Variants in USP42 observed in about 807,000 individuals in gnomAD.
USP42 encodes the protein ubiquitin carboxyl-terminal hydrolase 42.
In USP42, 23 loss-of-function variants were observed where a neutral mutation model predicts 113.0. That is an observed-to-expected ratio of 0.20 (90% CI 0.15 to 0.29). The LOEUF is 0.29. Ranked by LOEUF, USP42 falls within the 10% of genes least tolerant of loss-of-function variation. The pLI is 1.00. For synonymous variants in USP42, 933 were observed against 699.0 expected (o/e 1.33, Z -5.28); for missense variants, 2,174 against 1,779.8 (o/e 1.22, Z -3.99).
At chr7:6,132,920 C>G (rs550265218) in intron 3 of USP42, among the ~76,000 whole-genome samples, 1 of 152,332 alleles carries the variant, frequency 6.6e-6, no homozygotes, top group South Asian at 2.1e-4. Context: ...ATCTGCCCAT[C>G]TTGGTCTCCC....
In USP42 at chr7:6,154,615, C is replaced by T; in HGVS notation, c.3061C>T (p.His1021Tyr). 1 of 1,594,306 alleles carries T rather than the reference C, an allele frequency of 6.3e-7. No homozygotes were observed. The highest frequency in any genetic ancestry group is 8.5e-7 in the Non-Finnish European group (1 of 1,172,294). ...CTCTCTGGGCAGGTGCAGTCACCAC[C>T]ACTCCCGACACCGGAGCGGGGTGGA... ...RRSLGRCSHH[H>Y]SRHRSGVELD... The change falls in exon 15 of 18, where the codon CAC becomes TAC. Residue 1021 changes from histidine to tyrosine, a missense_variant. His to Tyr is a moderately conservative substitution (Grantham distance 83). Transcript: ENST00000306177.
rs1038347313 is a variant in USP42 at position 6,158,805 on chromosome 7, G to T, written c.3944-645G>T. Among the ~76,000 whole-genome samples, 9 of 152,170 alleles carry T rather than the reference G, an allele frequency of 5.9e-5. No individual in the cohort carries two copies. The highest frequency in any genetic ancestry group is 1.7e-4 in the African/African-American group (7 of 41,436). Reference sequence around the variant, plus strand: ...AGTGGATGGGCTCATTCTGAGTGTGGTGCAGGCTCCCAGGATCATGGGCTT... The same window carrying T: ...AGTGGATGGGCTCATTCTGAGTGTGTTGCAGGCTCCCAGGATCATGGGCTT... On this transcript the variant is annotated intron_variant, in intron 16 of 17. Transcript: ENST00000306177. This position sits in a 1 kb window ranked among gnomAD's most constrained non-coding sequence, Gnocchi z 4.2.
At chr7:6,123,382 G>T (rs1780343260) in intron 3 of USP42, among the ~76,000 whole-genome samples, 1 of 151,832 alleles carries the variant, frequency 6.6e-6, no homozygotes, top group African/African-American at 2.4e-5. Context: ...TAAAAAATTG[G>T]GCTGGGTGCG....
Position 6,156,913 on chromosome 7 carries a change from CGCCCAG to C in USP42, c.3802_3807del (p.Ala1268_Gln1269del). ...CCAGGGTCACCAGCTTGGAGACTGT[CGCCCAG>C]TTCCGGAGAGCCCAGGGTGGCTTTC... On this transcript the variant is annotated inframe_deletion, in exon 16 of 18. Transcript: ENST00000306177. 6.2e-7 allele frequency: 1 copy of C among 1,613,894 alleles called. No individual in the cohort carries two copies. The highest frequency in any genetic ancestry group is 8.5e-7 in the Non-Finnish European group (1 of 1,179,848).
At chr7:6,121,372 C>A (rs1344538492) in intron 3 of USP42, among the ~76,000 whole-genome samples, 2 of 151,802 alleles carry the variant, frequency 1.3e-5, no homozygotes, top group Non-Finnish European at 2.9e-5. Context: ...GGTCATGATG[C>A]ATTATTCTAT....
chr7:6,087,034 C>CTT, the USP42 span, among the ~76,000 whole-genome samples: 2 of 133,492 alleles, frequency 1.5e-5, no homozygotes, highest in Admixed American at 7.4e-5. Flanking sequence ...AGCCACCACA[C>CTT]TTTTTTTTTT....
At position 6,144,176 on chromosome 7, in the gene USP42, A is replaced by C; in HGVS notation, c.970A>C (p.Thr324Pro). Residue 324 changes from threonine to proline, a missense_variant, in exon 9 of 18, where the codon ACC becomes CCC. Thr to Pro is a conservative substitution (Grantham distance 38). Coordinates refer to ENST00000306177, the MANE Select transcript of USP42 (RefSeq NM_032172.3). ...TLSLKRFANF[T>P]GGKIAKDVKY... ...TTCTCTGAAACGTTTTGCAAATTTTACCGGTGGAAAAATTGCTAAGGTATG... is the reference window on the plus strand; with the variant it reads ...TTCTCTGAAACGTTTTGCAAATTTTCCCGGTGGAAAAATTGCTAAGGTATG... The C allele has an allele frequency of 6.3e-7, 1 of 1,593,750 alleles. No individual in the cohort carries two copies. The highest frequency in any genetic ancestry group is 8.5e-7 in the Non-Finnish European group (1 of 1,173,172).
rs552313779 is a variant in USP42, at chr7:6,120,047, C to A, written c.442+4524C>A. On this transcript the variant is annotated intron_variant, in intron 3 of 17. Transcript: ENST00000306177. Reference sequence around the variant, plus strand: ...GTGGCGCTGTCTCGGCTCACTGCAACCTACGCCCCCGGGTTCACGCCATTC... The same window carrying A: ...GTGGCGCTGTCTCGGCTCACTGCAAACTACGCCCCCGGGTTCACGCCATTC... 2.1e-3 allele frequency among the ~76,000 whole-genome samples: 315 copies of A among 152,300 alleles called. 1 individual carries two copies. Among genetic ancestry groups the A allele is most frequent in the Non-Finnish European group, 3.6e-3 (246 of 68,032 alleles).
At chr7:6,090,338 ATATATATATTTATATATATATT>A in the USP42 span, among the ~76,000 whole-genome samples, 40 of 120,250 alleles carry the variant, frequency 3.3e-4, no homozygotes, top group East Asian at 3.6e-3. Context: ...ATATTTCTTT[ATATATATATTTATATATATATT>A]TATATATATT....
chr7:6,157,688 T>C lies in USP42; in HGVS notation c.3943+633T>C, dbSNP rs1254624489. Among the ~76,000 whole-genome samples, 2 of 152,248 alleles carry C rather than the reference T, an allele frequency of 1.3e-5. No homozygotes were observed. The highest frequency in any genetic ancestry group is 6.5e-5 in the Admixed American group (1 of 15,288). ...GCGTATACGTTACTCTCCCGAATCC[T>C]TAAACCTGTAGCATTCTGAGTGCAC... On this transcript the variant is annotated intron_variant, in intron 16 of 17. Coordinates refer to ENST00000306177, the MANE Select transcript of USP42 (RefSeq NM_032172.3). The surrounding 1 kb of genome is among the most constrained non-coding windows in gnomAD (Gnocchi z 4.1).
intron 3 of USP42, among the ~76,000 whole-genome samples, chr7:6,133,261 T>A (rs1394508203): frequency 6.6e-6 from 1 of 152,232 alleles, no homozygotes; most frequent in African/African-American, 2.4e-5. Context: ...TTTTCGTTTG[T>A]AGATAATTGT....
intron 2 of USP42, 103 bp downstream of exon 2, chr7:6,111,477 C>T: frequency 1.4e-6 from 2 of 1,398,744 alleles, no homozygotes; most frequent in Non-Finnish European, 1.9e-6. Flanking sequence ...GGCGTGAGGC[C>T]ACCTGAGTGG....
chr7:6,161,184 C>T lies in USP42; in HGVS notation c.*666C>T, dbSNP rs1361812344. 6.6e-6 allele frequency: 1 copy of T among 152,600 alleles called. No individual in the cohort carries two copies. The highest frequency in any genetic ancestry group is 1.9e-4 in the East Asian group (1 of 5,198). 9.5% of individuals were successfully genotyped at this position (152,600 alleles called of 1,614,324 possible). ...TATAACCCAGACATGATTTGTAAAG[C>T]CGACAGTATGTTTCTATTACACAAC... On this transcript the variant is annotated 3_prime_UTR_variant, in exon 18 of 18. Coordinates refer to ENST00000306177, the MANE Select transcript of USP42 (RefSeq NM_032172.3).
At chr7:6,081,991 T>C in the USP42 span, among the ~76,000 whole-genome samples, 1 of 152,074 alleles carries the variant, frequency 6.6e-6, no homozygotes, top group East Asian at 1.9e-4. Flanking sequence ...AAAATATAAG[T>C]TCCAAATAAT....
chr7:6,115,256 T>C, intron 2 of USP42, 67 bp from the exon 3 acceptor site: 1 of 1,486,290 alleles, frequency 6.7e-7, no homozygotes, highest in Admixed American at 1.7e-5. Context: ...TTTGACCAGG[T>C]GTTACTATTT....
At chr7:6,131,487 C>T (rs1048144350) in intron 3 of USP42, among the ~76,000 whole-genome samples, 1 of 151,876 alleles carries the variant, frequency 6.6e-6, no homozygotes, top group Non-Finnish European at 1.5e-5. Flanking sequence ...AAAAACAAAC[C>T]AAACAAAAAC....
chr7:6,139,513 G>C lies in USP42; in HGVS notation c.656+319G>C. ...AACTAGCTGCTTCTCCTTTCTAGTTGTGCCTGACATTTTCTTTTCTCTGCT... is the reference window on the plus strand; with the variant it reads ...AACTAGCTGCTTCTCCTTTCTAGTTCTGCCTGACATTTTCTTTTCTCTGCT... On this transcript the variant is annotated intron_variant, in intron 5 of 17. Transcript: ENST00000306177. This position sits in a 1 kb window ranked among gnomAD's most constrained non-coding sequence, Gnocchi z 4.5. The C allele has an allele frequency of 4.4e-6, 1 of 228,776 alleles. No homozygotes were observed. The highest frequency in any genetic ancestry group is 8.5e-6 in the Non-Finnish European group (1 of 118,268). The allele number at this position is 228,776 out of a possible 1,614,324, so 14.2% of individuals were successfully genotyped here.
At chr7:6,156,666 G>T in intron 15 of USP42, 88 bp from the exon 16 acceptor site, 2 of 1,447,262 alleles carry the variant, frequency 1.4e-6, no homozygotes, top group Non-Finnish European at 1.8e-6. Flanking sequence ...GAATGTTCTC[G>T]GTGAATGGGT....
chr7:6,154,051 C>A lies in USP42; in HGVS notation c.2497C>A (p.Gln833Lys). Residue 833 changes from glutamine (Q) to lysine (K), a missense_variant, in exon 15 of 18, where the codon CAG becomes AAG. Coordinates refer to ENST00000306177, the MANE Select transcript of USP42 (RefSeq NM_032172.3). ...SLTGDASPLSQDAKGMIAEGP... is the reference protein window; with the variant it reads ...SLTGDASPLSKDAKGMIAEGP... ...AACAGGCGATGCGAGCCCGTTGTCC[C>A]AGGACGCAAAGGGGATGATCGCGGA... 1 of 1,605,890 alleles carries A rather than the reference C, an allele frequency of 6.2e-7. No individual in the cohort carries two copies.
Sources: allele counts gnomAD v4.1 joint callset (sites outside exome capture counted in the v4.1 genomes callset), GRCh38; gene constraint gnomAD v4.1.1; non-coding constraint Gnocchi (gnomAD v3.1); transcripts MANE v1.5; gene names NCBI Gene and HGNC (gene_info 2026-07-23, HGNC 2026-07-21).